JAML: variants seen among roughly 807,000 people sequenced by gnomAD.
JAML encodes junction adhesion molecule like, also known as junctional adhesion molecule-like.
A neutral mutation model predicts 39.3 loss-of-function variants in JAML; 25 were observed. The observed-to-expected ratio is 0.64, with a 90% confidence interval of 0.46 to 0.89. JAML has a LOEUF of 0.89. JAML is among the 40% of genes least tolerant of loss of function. The pLI, the probability that JAML is intolerant of heterozygous loss-of-function variation, is 0.00. For synonymous variants in JAML, 162 were observed against 179.2 expected, an observed-to-expected ratio of 0.90 and a Z score of 0.77; for missense variants, 440 against 486.9, an observed-to-expected ratio of 0.90 and a Z score of 0.91.
At chr11:118,210,789 T>C in intron 3 of JAML, 77 bp from the exon 4 acceptor site, 1 of 1,202,192 alleles carries the variant, frequency 8.3e-7, no homozygotes, top group South Asian at 1.3e-5. Context: ...GACTCTGTTA[T>C]GTGGGGGCAG....
In JAML at chr11:118,210,489, T is replaced by C; in HGVS notation, c.422A>G (p.Lys141Arg). The change falls in exon 4 of 10, where the codon AAA (lysine) becomes AGA (arginine). Residue 141 changes from lysine (K) to arginine (R), a missense_variant and splice_region_variant. Lys to Arg is a conservative substitution (Grantham distance 26). Transcript: ENST00000356289. ...TCTTTAAGTAAGCATTTGCGTACCT[T>C]TGGGCTCCTCTGGAAGCACATGCAG... ...VVLHVLPEEP[K>R]ELMVHVGGLI... The C allele has an allele frequency of 6.2e-7, 1 of 1,613,854 alleles. No individual in the cohort carries two copies. Among genetic ancestry groups the C allele is most frequent in the Non-Finnish European group, 8.5e-7 (1 of 1,179,994 alleles).
Position 118,212,761 on chromosome 11 carries a change from C to A in JAML, c.44-200G>T, listed in dbSNP as rs534909582. The A allele has an allele frequency of 8.3e-6, 13 of 1,568,926 alleles. No homozygotes were observed. The African/African-American group carries it at 1.2e-4, about 15-fold the overall frequency. Reference sequence around the variant, plus strand: ...TGGCTCATCAGAAGGATTCTGCAATCTTCATACTACAATAAATGCTATCTG... The same window carrying A: ...TGGCTCATCAGAAGGATTCTGCAATATTCATACTACAATAAATGCTATCTG... On this transcript the variant is annotated intron_variant, in intron 2 of 9. Transcript: ENST00000356289.
At chr11:118,220,189 T>G (rs1327171454) in intron 1 of JAML, among the ~76,000 whole-genome samples, 1 of 152,196 alleles carries the variant, frequency 6.6e-6, no homozygotes, top group Non-Finnish European at 1.5e-5. Context: ...CCAAACTAGG[T>G]GAGCTCAAGC....
intron 2 of JAML, 96 bp downstream of exon 2, chr11:118,214,728 C>A: frequency 1.5e-6 from 2 of 1,345,646 alleles, no homozygotes; most frequent in African/African-American, 1.4e-5. Context: ...CTTCAACAAA[C>A]CCAAGGGAAT....
At chr11:118,218,062 C>T (rs1224572223) in intron 1 of JAML, among the ~76,000 whole-genome samples, 2 of 152,218 alleles carry the variant, frequency 1.3e-5, no homozygotes, top group East Asian at 1.9e-4. Context: ...TCTCTTCAAC[C>T]ACTCATCCCA....
At position 118,222,792 on chromosome 11, in the gene JAML, C is replaced by T. The variant is rs1949222638; in HGVS notation, c.-21+2149G>A. Among the ~76,000 whole-genome samples the T allele has an allele frequency of 6.6e-6, 1 of 152,080 alleles. No individual in the cohort carries two copies. The highest frequency in any genetic ancestry group is 2.4e-5 in the African/African-American group (1 of 41,406). On this transcript the variant is annotated intron_variant, in intron 1 of 9. Coordinates refer to ENST00000356289, the MANE Select transcript of JAML (RefSeq NM_001098526.2). This position sits in a 1 kb window ranked among gnomAD's most constrained non-coding sequence, Gnocchi z 4.2. ...CTCAGAGGGTTTTAACTATTGGCCT[C>T]ACCTAAAAGAGTAATGGGACAGCTG...
intron 6 of JAML, chr11:118,202,945 A>G (rs2134651973): frequency 2.2e-6 from 1 of 456,362 alleles, no homozygotes; most frequent in Non-Finnish European, 4.4e-6. Context: ...AGAATCCAGA[A>G]CCTCTGATCA....
intron 9 of JAML, among the ~76,000 whole-genome samples, chr11:118,194,959 T>G (rs1337057334): frequency 6.6e-6 from 1 of 152,244 alleles, no homozygotes; most frequent in Non-Finnish European, 1.5e-5. Context: ...AGCCCAGGCC[T>G]CTTCTCTTAC....
chr11:118,207,867 TCTG>T (rs1201511911), intron 4 of JAML, among the ~76,000 whole-genome samples: 1 of 152,174 alleles, frequency 6.6e-6, no homozygotes, highest in Non-Finnish European at 1.5e-5. Flanking sequence ...TGTGGTTCCC[TCTG>T]TGTCTCTTCT....
At chr11:118,213,330 C>G (rs1278027748) in intron 2 of JAML, 2 of 1,019,968 alleles carry the variant, frequency 2.0e-6, no homozygotes, top group African/African-American at 1.7e-5. Flanking sequence ...TAGATGCTGC[C>G]CAGTTCATAT....
chr11:118,194,109 A>T lies in JAML; in HGVS notation c.*216T>A. The T allele has an allele frequency of 1.9e-6, 1 of 518,570 alleles. No individual in the cohort carries two copies. 32.1% of individuals were successfully genotyped at this position (518,570 alleles called of 1,614,324 possible). On this transcript the variant is annotated 3_prime_UTR_variant, in exon 10 of 10. Transcript: ENST00000356289. ...GGGCCAGTGTCCCACTCCAGAGGCC[A>T]AGTCCATGCTCCCCTCCCCTCAGCA...
intron 4 of JAML, among the ~76,000 whole-genome samples, chr11:118,206,773 T>C (rs1948925656): frequency 6.6e-6 from 1 of 152,168 alleles, no homozygotes; most frequent in African/African-American, 2.4e-5. Context: ...TGACCCACCA[T>C]ATGTTTATTA....
intron 7 of JAML, among the ~76,000 whole-genome samples, chr11:118,198,485 G>C (rs1948707207): frequency 1.3e-5 from 2 of 152,108 alleles, no homozygotes; most frequent in Admixed American, 1.3e-4. Context: ...CAGGAGCTCA[G>C]CAAGACGCCA....
chr11:118,213,629 A>G (rs1440377271), intron 2 of JAML, among the ~76,000 whole-genome samples: 2 of 152,256 alleles, frequency 1.3e-5, no homozygotes, highest in Non-Finnish European at 2.9e-5. Context: ...CTGTGTGTAG[A>G]ATTAAATGAA....
chr11:118,199,550 A>T (rs1449492341), intron 7 of JAML, among the ~76,000 whole-genome samples: 1 of 152,124 alleles, frequency 6.6e-6, no homozygotes, highest in African/African-American at 2.4e-5. Flanking sequence ...TACTCCATCG[A>T]TAGTTGGATA....
In JAML at chr11:118,216,821, AAAC is replaced by A. The variant is rs573372057; in HGVS notation, c.-20-1938_-20-1936del. ...TATCAGGAGTCACATAGATTCCCCT[AAAC>A]AAAAGAACCTCTAGTGAAAACACAG... On this transcript the variant is annotated intron_variant, in intron 1 of 9. Transcript: ENST00000356289. Among the ~76,000 whole-genome samples the A allele has an allele frequency of 1.4e-4, 21 of 152,338 alleles. No homozygotes were observed. The East Asian group carries it at 3.9e-3, about 28-fold the overall frequency.
In JAML at chr11:118,194,048, G is replaced by C; in HGVS notation, c.*277C>G. The C allele has an allele frequency of 2.5e-6, 1 of 393,540 alleles. No homozygotes were observed. Among genetic ancestry groups the C allele is most frequent in the South Asian group, 3.1e-5 (1 of 32,082 alleles). 24.4% of individuals were successfully genotyped at this position (393,540 alleles called of 1,614,324 possible). ...GCCCACAGGAGGGTCTGATCCAACG[G>C]GGGGTTTGAGGCCACTCAGCTCAGC... is the stretch of plus-strand genomic sequence containing the variant. On this transcript the variant is annotated 3_prime_UTR_variant, in exon 10 of 10. Transcript: ENST00000356289.
chr11:118,202,366 G>A (rs1264147869), intron 6 of JAML: 2 of 153,332 alleles, frequency 1.3e-5, no homozygotes, highest in African/African-American at 2.4e-5. Flanking sequence ...AATGGAGCTG[G>A]AGTAATTAAG....
At chr11:118,203,242 C>T (rs757815592) in intron 6 of JAML, 186 bp downstream of exon 6, 6 of 731,632 alleles carry the variant, frequency 8.2e-6, no homozygotes, top group African/African-American at 1.7e-5. Context: ...GTGAGGCAAG[C>T]CAGGCACCTG....
Sources: gnomAD v4.1 joint callset for allele counts (sites outside exome capture counted in the v4.1 genomes callset) on GRCh38, gnomAD v4.1.1 for gene constraint, Gnocchi (gnomAD v3.1) non-coding constraint, MANE v1.5 for transcripts, NCBI Gene and HGNC (gene_info 2026-07-23, HGNC 2026-07-21) for gene names.